Variants in CERS4 observed in about 807,000 individuals in gnomAD.
The protein encoded by CERS4 is ceramide synthase 4.
Under a neutral mutation model 51.8 loss-of-function variants are expected in CERS4, and 65 were observed. The ratio of observed to expected loss-of-function variants is 1.26; its 90% CI spans 1.03 to 1.54. CERS4 has a LOEUF of 1.54. Ranked by LOEUF, CERS4 falls within the 40% of genes most tolerant of loss-of-function variation. The probability of loss-of-function intolerance (pLI) is 0.00; values close to 1 mark genes in which losing one functional copy is unlikely to be tolerated. For synonymous variants in CERS4, 228 were observed against 208.4 expected (o/e 1.09, Z -0.81); for missense variants, 563 against 500.4 (o/e 1.13, Z -1.19).
At chr19:8,239,767 A>C (rs1275883585) in intron 2 of CERS4, 1 of 152,086 alleles carries the variant, frequency 6.6e-6, no homozygotes, top group East Asian at 1.9e-4. Flanking sequence ...TTTTCTAGAG[A>C]GTTTGACCAC....
intron 1 of CERS4, 175 bp downstream of exon 1, chr19:8,209,669 C>A (rs992222919): frequency 2.6e-5 from 4 of 152,532 alleles, no homozygotes; most frequent in Non-Finnish European, 5.9e-5. Context: ...ATGGCCGTCT[C>A]CCCGAGCTAT....
rs546245596 is a variant in CERS4 at position 8,221,418 on chromosome 19, C to T, written c.-2+10556C>T. Among the ~76,000 whole-genome samples the T allele has an allele frequency of 4.6e-5, 7 of 152,224 alleles. No individual in the cohort carries two copies. In the East Asian group the frequency reaches 7.7e-4, roughly 17 times the overall value. On this transcript the variant is annotated intron_variant, in intron 2 of 11. Transcript: ENST00000251363. ...TTTGTGTTCATTGTATTTGTTTTCA[C>T]GGCTAGCCTCTGCACGTGATGCCAA...
intron 2 of CERS4, among the ~76,000 whole-genome samples, chr19:8,249,185 G>A (rs1292124354): frequency 7.3e-6 from 1 of 137,856 alleles, no homozygotes; most frequent in Non-Finnish European, 1.6e-5. Flanking sequence ...GTGGACAGAT[G>A]TTTGGATGGG....
Position 8,255,836 on chromosome 19 carries a change from T to C in CERS4, c.425T>C (p.Phe142Ser). The change falls in exon 6 of 12, where the codon TTC becomes TCC. Residue 142 changes from phenylalanine (F) to serine (S), a missense_variant. Transcript: ENST00000251363. ...CCCATCCACAGCTGGAGGTTTCTCT[T>C]CTACCTGTCCTCCTTCGTGGGCGGC... ...KFCEASWRFL[F>S]YLSSFVGGLS... 6.2e-7 allele frequency: 1 copy of C among 1,613,986 alleles called. No individual in the cohort carries two copies. Among genetic ancestry groups the C allele is most frequent in the Non-Finnish European group, 8.5e-7 (1 of 1,180,022 alleles).
At chr19:8,238,652 T>C in intron 2 of CERS4, 1 of 930,480 alleles carries the variant, frequency 1.1e-6, no homozygotes, top group Non-Finnish European at 1.3e-6. Context: ...CATGGTCCAG[T>C]ATTGGTTGTA....
At chr19:8,245,632 C>T (rs1390642854) in intron 2 of CERS4, among the ~76,000 whole-genome samples, 4 of 150,682 alleles carry the variant, frequency 2.7e-5, no homozygotes, top group African/African-American at 9.8e-5. Flanking sequence ...CTCCGCCTCC[C>T]GGGTTCAAGC....
chr19:8,223,873 C>G (rs9749262), intron 2 of CERS4, among the ~76,000 whole-genome samples: 2 of 150,240 alleles, frequency 1.3e-5, no homozygotes, highest in Non-Finnish European at 3.0e-5. Flanking sequence ...CCGAGGCGGG[C>G]GGATCATTTG....
intron 10 of CERS4, among the ~76,000 whole-genome samples, chr19:8,260,369 A>ATTTT (rs57861384): frequency 7.2e-6 from 1 of 139,082 alleles, no homozygotes; most frequent in Non-Finnish European, 1.5e-5. Context: ...TAATTTTTGT[A>ATTTT]TTTTTTTTTT....
chr19:8,240,719 C>CA (rs146323900), intron 2 of CERS4, among the ~76,000 whole-genome samples: 2,546 of 152,004 alleles, frequency 0.017, 69 homozygotes, highest in African/African-American at 0.058. Flanking sequence ...CAAAACAAAA[C>CA]AAACCTATGT....
intron 2 of CERS4, among the ~76,000 whole-genome samples, chr19:8,215,578 G>A (rs748826060): frequency 3.3e-5 from 5 of 151,802 alleles, no homozygotes; most frequent in African/African-American, 9.7e-5. Context: ...GAGAGAACTC[G>A]GTCCCCTCTC....
At position 8,256,959 on chromosome 19, in the gene CERS4, A is replaced by T. The variant is rs1163721273; in HGVS notation, c.623A>T (p.Glu208Val). ...CACCGTCTACTGCAGGATTTCAAGG[A>T]GCAGGTGATACACCACTTCGTGGCG... Reference protein sequence around the residue: ...PFDVKRKDFKEQVIHHFVAVI... With the variant: ...PFDVKRKDFKVQVIHHFVAVI... The change falls in exon 9 of 12, where the codon GAG (glutamate) becomes GTG (valine). Residue 208 changes from glutamate to valine, a missense_variant. Glu to Val is a moderately radical substitution (Grantham distance 121, BLOSUM62 -2). Transcript: ENST00000251363. 1 of 1,614,026 alleles carries T rather than the reference A, an allele frequency of 6.2e-7. No individual in the cohort carries two copies. The highest frequency in any genetic ancestry group is 8.5e-7 in the Non-Finnish European group (1 of 1,180,028).
rs1398593526 is a variant in CERS4 at position 8,256,934 on chromosome 19, C to T, written c.613-15C>T. The T allele has an allele frequency of 1.9e-6, 3 of 1,614,134 alleles. No homozygotes were observed. The highest frequency in any genetic ancestry group is 3.3e-5 in the Admixed American group (2 of 60,014). On this transcript the variant is annotated splice_polypyrimidine_tract_variant and intron_variant, in intron 8 of 11. Transcript: ENST00000251363. ...ATCAAGCCTCGTCCCCACTATGACC[C>T]ACCGTCTACTGCAGGATTTCAAGGA...
At chr19:8,244,599 A>T (rs1291751309) in intron 2 of CERS4, among the ~76,000 whole-genome samples, 1 of 151,952 alleles carries the variant, frequency 6.6e-6, no homozygotes, top group African/African-American at 2.4e-5. Flanking sequence ...TCTCTACCTT[A>T]TCTCAACTGG....
chr19:8,245,122 A>T (rs140106918), intron 2 of CERS4, among the ~76,000 whole-genome samples: 2 of 129,258 alleles, frequency 1.5e-5, no homozygotes, highest in Non-Finnish European at 3.1e-5. Flanking sequence ...AAAAAAAAAA[A>T]AAAAAAAAAA....
intron 2 of CERS4, among the ~76,000 whole-genome samples, chr19:8,249,301 A>G (rs1019690527): frequency 1.2e-4 from 19 of 152,256 alleles, no homozygotes; most frequent in Middle Eastern, 3.4e-3. Flanking sequence ...GCGTGGACAG[A>G]CGAATGAACG....
chr19:8,248,879 G>A (rs1282005906), intron 2 of CERS4, among the ~76,000 whole-genome samples: 2 of 151,010 alleles, frequency 1.3e-5, no homozygotes, highest in Admixed American at 1.3e-4. Context: ...GATGGTGGGT[G>A]GGCAGATGTT....
chr19:8,249,836 G>A (rs1193351177), intron 2 of CERS4, among the ~76,000 whole-genome samples: 2 of 151,686 alleles, frequency 1.3e-5, no homozygotes, highest in African/African-American at 4.8e-5. Flanking sequence ...TGATCCACCT[G>A]CCTCGGCCTC....
chr19:8,238,719 C>A (rs1968382521), intron 2 of CERS4, among the ~76,000 whole-genome samples: 1 of 151,978 alleles, frequency 6.6e-6, no homozygotes, highest in Admixed American at 6.6e-5. Context: ...CAAGAAGATG[C>A]AATAGGGGAG....
chr19:8,251,381 T>A lies in CERS4; in HGVS notation c.173+132T>A, dbSNP rs546553283. On this transcript the variant is annotated intron_variant, in intron 3 of 11. Transcript: ENST00000251363. The stretch of plus-strand genomic sequence containing the variant: ...TTTGCACCAAAGCGCGTTCCCTGGC[T>A]CCAGCCTGCCCCCAGCCGCCACCAC... The A allele has an allele frequency of 2.0e-5, 28 of 1,406,868 alleles. No individual in the cohort carries two copies. In the African/African-American group the frequency reaches 3.2e-4, roughly 16 times the overall value. 87.1% of individuals were successfully genotyped at this position (1,406,868 alleles called of 1,614,324 possible).
Sources: allele counts gnomAD v4.1 joint callset (sites outside exome capture counted in the v4.1 genomes callset), GRCh38; gene constraint gnomAD v4.1.1; transcripts MANE v1.5; gene names NCBI Gene and HGNC (gene_info 2026-07-23, HGNC 2026-07-21).